ATOSA: variants seen among roughly 807,000 people sequenced by gnomAD.
ATOSA encodes atos homolog protein A.
At chr15:52,590,079 T>C in the ATOSA span, among the ~76,000 whole-genome samples, 2 of 152,146 alleles carry the variant, frequency 1.3e-5, no homozygotes, top group Non-Finnish European at 2.9e-5. Context: ...TGAGCCACCA[T>C]GCCCGGCCCT....
At chr15:52,705,960 T>A in the ATOSA span, among the ~76,000 whole-genome samples, 1 of 152,334 alleles carries the variant, frequency 6.6e-6, no homozygotes, top group African/African-American at 2.4e-5. Context: ...TAATATACCA[T>A]AATTTATTTA....
chr15:52,625,577 C>G, the ATOSA span, among the ~76,000 whole-genome samples: 1 of 152,130 alleles, frequency 6.6e-6, no homozygotes, highest in Non-Finnish European at 1.5e-5. Flanking sequence ...CTTTTAAAAG[C>G]AATTTTCTGA....
chr15:52,584,120 A>G, the ATOSA span, among the ~76,000 whole-genome samples: 4 of 150,818 alleles, frequency 2.7e-5, no homozygotes, highest in East Asian at 1.9e-4. Context: ...AGAAAAATAT[A>G]AAATGATTTA....
At chr15:52,600,216 T>G in the ATOSA span, 1 of 1,607,322 alleles carries the variant, frequency 6.2e-7, no homozygotes, top group Non-Finnish European at 8.5e-7. Context: ...TCATCTTCAA[T>G]GTTTAAACAT....
the ATOSA span, among the ~76,000 whole-genome samples, chr15:52,708,250 A>G: frequency 6.6e-6 from 1 of 152,146 alleles, no homozygotes; most frequent in Non-Finnish European, 1.5e-5. Context: ...CTCTCACAGC[A>G]GAAAACGGAG....
the ATOSA span, among the ~76,000 whole-genome samples, chr15:52,647,718 G>A: frequency 1.3e-5 from 2 of 152,138 alleles, no homozygotes; most frequent in African/African-American, 4.8e-5. Flanking sequence ...GGGGAAATCT[G>A]GGGGTGTCAG....
At chr15:52,600,067 G>A in the ATOSA span, 1 of 721,962 alleles carries the variant, frequency 1.4e-6, no homozygotes, top group East Asian at 2.9e-5. Context: ...CATATAAAAT[G>A]ACACCCTAGA....
the ATOSA span, chr15:52,658,543 C>T: frequency 1.0e-5 from 4 of 388,638 alleles, no homozygotes; most frequent in African/African-American, 8.3e-5. Flanking sequence ...AAACTGAGTG[C>T]CTCAATTGAA....
chr15:52,651,886 T>G, the ATOSA span: 2 of 1,535,512 alleles, frequency 1.3e-6, no homozygotes, highest in Non-Finnish European at 1.7e-6. Context: ...TGTGAAGCCC[T>G]TTGTTTCCAC....
the ATOSA span, chr15:52,582,184 T>G: frequency 1.9e-6 from 3 of 1,585,456 alleles, no homozygotes; most frequent in African/African-American, 4.1e-5. Flanking sequence ...GAGGGTTTGT[T>G]GGTGATTCAG....
chr15:52,661,243 T>A, the ATOSA span, among the ~76,000 whole-genome samples: 2 of 152,244 alleles, frequency 1.3e-5, no homozygotes, highest in Admixed American at 6.5e-5. Context: ...CTTCTAAGAG[T>A]ATCTATGTAT....
chr15:52,671,875 G>C, the ATOSA span, among the ~76,000 whole-genome samples: 1 of 151,492 alleles, frequency 6.6e-6, no homozygotes, highest in African/African-American at 2.4e-5. Flanking sequence ...TAGTGGGGCT[G>C]GATATGGTAA....
the ATOSA span, among the ~76,000 whole-genome samples, chr15:52,599,047 C>T: frequency 6.6e-6 from 1 of 152,190 alleles, no homozygotes; most frequent in Non-Finnish European, 1.5e-5. Context: ...CATGTAAAGC[C>T]TGCAGAACTG....
At chr15:52,651,747 A>G in the ATOSA span, 5 of 932,450 alleles carry the variant, frequency 5.4e-6, no homozygotes, top group South Asian at 8.0e-5. Context: ...TCAAAGTGAG[A>G]TAATTTTCCT....
At chr15:52,586,862 C>A in the ATOSA span, 1 of 251,692 alleles carries the variant, frequency 4.0e-6, no homozygotes, top group African/African-American at 2.2e-5. Flanking sequence ...AAAAAGAAGG[C>A]ACCAGTAATA....
chr15:52,652,081 C>G, the ATOSA span: 1 of 1,436,932 alleles, frequency 7.0e-7, no homozygotes, highest in Non-Finnish European at 9.1e-7. Context: ...GCGCACATAG[C>G]AACAGCACTC....
At chr15:52,608,425 G>A in the ATOSA span, 3 of 709,638 alleles carry the variant, frequency 4.2e-6, no homozygotes, top group Non-Finnish European at 6.4e-6. Context: ...GTTAATACTA[G>A]TTCTGTAGGT....
chr15:52,607,891 G>GT, the ATOSA span, among the ~76,000 whole-genome samples: 3 of 151,800 alleles, frequency 2.0e-5, no homozygotes, highest in Admixed American at 6.6e-5. Flanking sequence ...TTCTGTTTCT[G>GT]TTTTTTTGAA....
At chr15:52,671,809 C>T in the ATOSA span, among the ~76,000 whole-genome samples, 5 of 151,010 alleles carry the variant, frequency 3.3e-5, no homozygotes, top group Non-Finnish European at 5.9e-5. Context: ...GCTTTTTAGG[C>T]AGAAGGAATT....
Sources: gnomAD v4.1 joint callset for allele counts (sites outside exome capture counted in the v4.1 genomes callset) on GRCh38, gnomAD v4.1.1 for gene constraint, MANE v1.5 for transcripts, NCBI Gene and HGNC (gene_info 2026-07-23, HGNC 2026-07-21) for gene names.